The following ADGRB3 variants were observed in gnomAD, a reference collection of about 807,000 sequenced individuals.
ADGRB3 encodes the protein adhesion G protein-coupled receptor B3.
Under a neutral mutation model 193.4 loss-of-function variants are expected in ADGRB3, and 37 were observed. That is an observed-to-expected ratio of 0.19 (90% confidence interval 0.15 to 0.25). The LOEUF is 0.25. Among genes scored for constraint, ADGRB3 ranks in the 10% least tolerant of loss-of-function variants. ADGRB3 has a pLI of 1.00. For missense variants in ADGRB3, 1,637 were observed against 1,852.9 expected, an observed-to-expected ratio of 0.88 and a Z score of 2.14; for synonymous variants, 690 against 644.2, an observed-to-expected ratio of 1.07 and a Z score of -1.08.
intron 4 of ADGRB3, among the ~76,000 whole-genome samples, chr6:68,934,570 T>C (rs946854768): frequency 6.6e-6 from 1 of 152,206 alleles, no homozygotes; most frequent in African/African-American, 2.4e-5. Context: ...TTCATAATTT[T>C]CTGACTTTTA....
At position 69,031,749 on chromosome 6, in the gene ADGRB3, C is replaced by T. The variant is rs560225737; in HGVS notation, c.2107+13250C>T. Among the ~76,000 whole-genome samples, 13 of 151,680 alleles carry T rather than the reference C, an allele frequency of 8.6e-5. No individual in the cohort carries two copies. The South Asian group carries it at 1.0e-3, about 12-fold the overall frequency. On this transcript the variant is annotated intron_variant, in intron 13 of 31. Coordinates refer to ENST00000370598, the MANE Select transcript of ADGRB3 (RefSeq NM_001704.3). ...TCCTGGGCTCAAGTGATACTCCTGC[C>T]TCAGCTTTTTGAGTAGCTGGGACTA...
chr6:68,674,602 C>A (rs1009433635), intron 3 of ADGRB3, among the ~76,000 whole-genome samples: 7 of 152,094 alleles, frequency 4.6e-5, no homozygotes, highest in African/African-American at 1.7e-4. Context: ...GTTTATCATG[C>A]AAAGGGAAAA....
intron 17 of ADGRB3, among the ~76,000 whole-genome samples, chr6:69,086,650 G>A (rs1582450409): frequency 6.6e-6 from 1 of 152,108 alleles, no homozygotes; most frequent in Admixed American, 6.6e-5. Flanking sequence ...CAGGAAGAGG[G>A]AAATAGGAGT....
At chr6:69,382,586 C>T (rs897776126) in intron 30 of ADGRB3, among the ~76,000 whole-genome samples, 6 of 151,812 alleles carry the variant, frequency 4.0e-5, no homozygotes, top group Admixed American at 1.3e-4. Context: ...TTTTAATGTA[C>T]CCACAACAAA....
intron 3 of ADGRB3, among the ~76,000 whole-genome samples, chr6:68,852,390 A>G (rs1246148211): frequency 6.6e-6 from 1 of 151,980 alleles, no homozygotes; most frequent in Non-Finnish European, 1.5e-5. Flanking sequence ...TTGAAAAATT[A>G]TAAATACATG....
chr6:69,068,596 A>T (rs1771980033), intron 16 of ADGRB3, among the ~76,000 whole-genome samples: 1 of 152,180 alleles, frequency 6.6e-6, no homozygotes. Flanking sequence ...ATATACATGT[A>T]AAAACGTCCT....
chr6:68,656,776 C>T lies in ADGRB3; in HGVS notation c.757+17344C>T, dbSNP rs145019349. Among the ~76,000 whole-genome samples, 3 of 151,648 alleles carry T rather than the reference C, an allele frequency of 2.0e-5. No individual in the cohort carries two copies. In the East Asian group the frequency reaches 5.8e-4, roughly 30 times the overall value. ...CATATTCACATATTTCAGAGTTCCA[C>T]TCCCAACCCTGCTTTCCACTAGTAT... On this transcript the variant is annotated intron_variant, in intron 3 of 31. Transcript: ENST00000370598.
chr6:68,783,413 AG>A (rs1766899136), intron 3 of ADGRB3, among the ~76,000 whole-genome samples: 1 of 151,124 alleles, frequency 6.6e-6, no homozygotes, highest in Non-Finnish European at 1.5e-5. Context: ...GCTATACTGC[AG>A]TAGCCAATTC....
At chr6:69,096,474 C>A (rs1480608347) in intron 17 of ADGRB3, among the ~76,000 whole-genome samples, 1 of 149,628 alleles carries the variant, frequency 6.7e-6, no homozygotes, top group African/African-American at 2.5e-5. Context: ...ATTATGTTAA[C>A]TATTTGATGC....
intron 3 of ADGRB3, among the ~76,000 whole-genome samples, chr6:68,717,437 T>C (rs998409819): frequency 2.0e-5 from 3 of 151,614 alleles, no homozygotes; most frequent in African/African-American, 4.8e-5. Context: ...GTGTCCAAAA[T>C]GAGGAAAATA....
chr6:68,848,463 C>T (rs567488059), intron 3 of ADGRB3, among the ~76,000 whole-genome samples: 1 of 152,102 alleles, frequency 6.6e-6, no homozygotes, highest in East Asian at 1.9e-4. Flanking sequence ...TTTTAATTAA[C>T]ATACTTTGAC....
At chr6:69,298,414 G>GT (rs1767875718) in intron 20 of ADGRB3, among the ~76,000 whole-genome samples, 1 of 151,760 alleles carries the variant, frequency 6.6e-6, no homozygotes, top group African/African-American at 2.4e-5. Flanking sequence ...TACTCTTCTG[G>GT]TTTTTGAAAT....
intron 3 of ADGRB3, among the ~76,000 whole-genome samples, chr6:68,810,828 G>A (rs1767498307): frequency 6.6e-6 from 1 of 152,084 alleles, no homozygotes; most frequent in African/African-American, 2.4e-5. Context: ...ATAATTATGA[G>A]TGTATCTTTA....
chr6:69,056,046 G>T (rs972336761), intron 15 of ADGRB3, among the ~76,000 whole-genome samples: 3 of 152,054 alleles, frequency 2.0e-5, no homozygotes, highest in Non-Finnish European at 4.4e-5. Context: ...GGCCAGGCTG[G>T]TCTCAAACTC....
chr6:68,908,990 A>T (rs987074582), intron 3 of ADGRB3, among the ~76,000 whole-genome samples: 1 of 152,154 alleles, frequency 6.6e-6, no homozygotes, highest in African/African-American at 2.4e-5. Context: ...CTTCTTTTGG[A>T]TGAAATCCTG....
In ADGRB3 at chr6:68,907,380, C is replaced by A. The variant is rs75864044; in HGVS notation, c.758-23179C>A. Among the ~76,000 whole-genome samples, 679 of 151,650 alleles carry A rather than the reference C, an allele frequency of 4.5e-3. 1 individual carries two copies. The highest frequency in any genetic ancestry group is 7.4e-3 in the Non-Finnish European group (500 of 67,698). ...TTTTTCATTGTTTGTTGTATAAATT[C>A]TTTGATTCTTATTCTGTTGGATCTA... On this transcript the variant is annotated intron_variant, in intron 3 of 31. Coordinates refer to ENST00000370598, the MANE Select transcript of ADGRB3 (RefSeq NM_001704.3).
chr6:69,369,303 A>G (rs549278235), intron 29 of ADGRB3, among the ~76,000 whole-genome samples: 1 of 152,254 alleles, frequency 6.6e-6, no homozygotes, highest in Admixed American at 6.5e-5. Context: ...TTTCCAATAC[A>G]CTGTATGTAT....
chr6:69,024,522 A>G (rs961411055), intron 13 of ADGRB3, among the ~76,000 whole-genome samples: 3 of 152,194 alleles, frequency 2.0e-5, no homozygotes, highest in Non-Finnish European at 2.9e-5. Flanking sequence ...CTATTTCACA[A>G]CTGTTCCTTA....
rs1219725599 is a variant in ADGRB3, at chr6:68,911,255, C to T, written c.758-19304C>T. Among the ~76,000 whole-genome samples, 14 of 114,176 alleles carry T rather than the reference C, an allele frequency of 1.2e-4. No homozygotes were observed. The South Asian group carries it at 1.9e-3, about 16-fold the overall frequency. 74.9% of individuals were successfully genotyped at this position (114,176 alleles called of 152,430 possible). On this transcript the variant is annotated intron_variant, in intron 3 of 31. Transcript: ENST00000370598. ...ACACAGGAAGGGGAACATCACACAC[C>T]GGGGCCTGTTGTGGGGTGGGGGGAG... is the stretch of plus-strand genomic sequence containing the variant.
Sources: gnomAD v4.1 joint callset for allele counts (sites outside exome capture counted in the v4.1 genomes callset) on GRCh38, gnomAD v4.1.1 for gene constraint, MANE v1.5 for transcripts, NCBI Gene and HGNC (gene_info 2026-07-23, HGNC 2026-07-21) for gene names.